ATXN7L1: variants seen among roughly 807,000 people sequenced by gnomAD.
The protein encoded by ATXN7L1 is ataxin-7-like protein 1.
Under a neutral mutation model 70.8 loss-of-function variants are expected in ATXN7L1, and 15 were observed. The observed-to-expected ratio is 0.21, with a 90% CI of 0.14 to 0.33. ATXN7L1 has a LOEUF of 0.33. ATXN7L1 is among the 10% of genes least tolerant of loss of function. ATXN7L1 has a pLI of 1.00. For synonymous variants in ATXN7L1, 440 were observed against 445.1 expected (o/e 0.99, Z 0.14); for missense variants, 975 against 1,097.1 (o/e 0.89, Z 1.57).
chr7:105,666,859 G>C (rs537735731), intron 3 of ATXN7L1, among the ~76,000 whole-genome samples: 1 of 152,240 alleles, frequency 6.6e-6, no homozygotes, highest in East Asian at 1.9e-4. Flanking sequence ...GGAGACCTGG[G>C]CTCCCACTCC....
At chr7:105,698,256 A>G (rs892520699) in intron 3 of ATXN7L1, among the ~76,000 whole-genome samples, 6 of 152,158 alleles carry the variant, frequency 3.9e-5, no homozygotes, top group African/African-American at 1.4e-4. Flanking sequence ...ACCTGCAACT[A>G]GATTTTGGCT....
At chr7:105,819,994 C>A (rs919179341) in intron 2 of ATXN7L1, 5 of 464,874 alleles carry the variant, frequency 1.1e-5, no homozygotes, top group Non-Finnish European at 2.1e-5. Context: ...GATCCACTAT[C>A]GGAAGAAGAA....
At position 105,876,443 on chromosome 7, in the gene ATXN7L1, G is replaced by T; in HGVS notation, c.116C>A (p.Pro39Gln). The T allele has an allele frequency of 6.2e-7, 1 of 1,613,670 alleles. No individual in the cohort carries two copies. The highest frequency in any genetic ancestry group is 2.2e-5 in the East Asian group (1 of 44,850). Residue 39 changes from proline to glutamine, a missense_variant, in exon 1 of 12, where the codon CCG becomes CAG. Around this residue, in one of 5 missense-constraint regions of ATXN7L1, gnomAD observed 135 missense variants for 132.6 expected, o/e 1.02. Transcript: ENST00000419735. ...MATLDRKVPS[P>Q]EAFLGKPWSS... ...CCAGGGTTTGCCCAGAAACGCCTCC[G>T]GACTGGGCACTTTGCGATCCAGTGT...
rs1562880439 is a variant in ATXN7L1 at position 105,607,662 on chromosome 7, A to G, written c.*190T>C. On this transcript the variant is annotated 3_prime_UTR_variant, in exon 12 of 12. Transcript: ENST00000419735. ...TGGAACTGTTTTCTGTAAATCTCAA[A>G]TTCACCTTCTTTTGCCTTTTTAACT... 1.7e-6 allele frequency: 1 copy of G among 581,600 alleles called. No individual in the cohort carries two copies. Among genetic ancestry groups the G allele is most frequent in the Non-Finnish European group, 3.1e-6 (1 of 322,406 alleles). 36.0% of individuals were successfully genotyped at this position (581,600 alleles called of 1,614,324 possible).
chr7:105,808,101 C>T (rs1807883585), intron 2 of ATXN7L1, among the ~76,000 whole-genome samples: 1 of 152,100 alleles, frequency 6.6e-6, no homozygotes, highest in African/African-American at 2.4e-5. Context: ...CACTCTGCTC[C>T]TAGAAAGCAG....
intron 3 of ATXN7L1, among the ~76,000 whole-genome samples, chr7:105,729,712 G>A (rs1361370734): frequency 6.7e-6 from 1 of 149,624 alleles, no homozygotes; most frequent in Non-Finnish European, 1.5e-5. Flanking sequence ...TTACAGGCAT[G>A]AGCCACTGTG....
chr7:105,647,187 C>G (rs1480664286), intron 4 of ATXN7L1, among the ~76,000 whole-genome samples: 1 of 152,154 alleles, frequency 6.6e-6, no homozygotes, highest in Admixed American at 6.5e-5. Flanking sequence ...TTAGAACTTG[C>G]AAGTTCCAGA....
At chr7:105,681,748 G>A (rs1396464491) in intron 3 of ATXN7L1, among the ~76,000 whole-genome samples, 2 of 152,078 alleles carry the variant, frequency 1.3e-5, no homozygotes, top group African/African-American at 4.8e-5. Flanking sequence ...ACAAACTTTG[G>A]GGACACTATG....
In ATXN7L1 at chr7:105,780,856, T is replaced by A. The variant is rs143589130; in HGVS notation, c.355+7748A>T. Among the ~76,000 whole-genome samples, 411 of 152,334 alleles carry A rather than the reference T, an allele frequency of 2.7e-3. 2 individuals carry two copies. The highest frequency in any genetic ancestry group is 9.5e-3 in the African/African-American group (394 of 41,566). ...AAGCTGAAGGAGTCAACTTTCTACA[T>A]GCGGCTGTGATTCCACAGAAGTCAT... On this transcript the variant is annotated intron_variant, in intron 3 of 11. Coordinates refer to ENST00000419735, the MANE Select transcript of ATXN7L1 (RefSeq NM_020725.2).
chr7:105,747,215 C>A (rs1255754796), intron 3 of ATXN7L1, among the ~76,000 whole-genome samples: 2 of 152,188 alleles, frequency 1.3e-5, no homozygotes, highest in African/African-American at 4.8e-5. Context: ...GGACTTTCAG[C>A]TCCACCTGCC....
chr7:105,834,355 T>C (rs912550089), intron 2 of ATXN7L1, among the ~76,000 whole-genome samples: 1 of 152,212 alleles, frequency 6.6e-6, no homozygotes, highest in Non-Finnish European at 1.5e-5. Context: ...TCATTGACTT[T>C]GAAAGCTTGG....
chr7:105,657,063 T>C (rs1479964438), intron 4 of ATXN7L1, among the ~76,000 whole-genome samples: 1 of 152,146 alleles, frequency 6.6e-6, no homozygotes, highest in Non-Finnish European at 1.5e-5. Context: ...TTAAATCTAA[T>C]CTAAGGGCCA....
chr7:105,876,355 G>A, intron 1 of ATXN7L1, 23 bp downstream of exon 1: 1 of 1,576,076 alleles, frequency 6.3e-7, no homozygotes, highest in South Asian at 1.2e-5. Context: ...AATAAAAGGA[G>A]GAGGAGGTGG....
chr7:105,763,766 T>C (rs1800861305), intron 3 of ATXN7L1, among the ~76,000 whole-genome samples: 1 of 152,148 alleles, frequency 6.6e-6, no homozygotes, highest in Non-Finnish European at 1.5e-5. Flanking sequence ...CCTGCTAGCA[T>C]AGACACCCAT....
intron 3 of ATXN7L1, among the ~76,000 whole-genome samples, chr7:105,675,732 G>T (rs1485896304): frequency 6.6e-6 from 1 of 152,078 alleles, no homozygotes; most frequent in Non-Finnish European, 1.5e-5. Flanking sequence ...AACTGTTTAA[G>T]TTCATCCAAG....
chr7:105,789,156 C>T (rs1040435548), intron 2 of ATXN7L1, among the ~76,000 whole-genome samples: 1 of 152,206 alleles, frequency 6.6e-6, no homozygotes, highest in African/African-American at 2.4e-5. Context: ...AGTCATTTGG[C>T]CTCGGCAGTG....
chr7:105,820,967 G>C (rs962675460), intron 2 of ATXN7L1, among the ~76,000 whole-genome samples: 1 of 152,178 alleles, frequency 6.6e-6, no homozygotes, highest in Non-Finnish European at 1.5e-5. Flanking sequence ...ACCAGATGCC[G>C]AGCAGGTGTT....
At chr7:105,646,299 C>A (rs984487655) in intron 4 of ATXN7L1, among the ~76,000 whole-genome samples, 1 of 151,942 alleles carries the variant, frequency 6.6e-6, no homozygotes, top group Non-Finnish European at 1.5e-5. Flanking sequence ...TGTCTCAACT[C>A]CCCCCTGACC....
intron 2 of ATXN7L1, among the ~76,000 whole-genome samples, chr7:105,813,337 T>A (rs1351315769): frequency 1.3e-5 from 2 of 148,498 alleles, no homozygotes; most frequent in African/African-American, 4.9e-5. Context: ...AATCTACAAT[T>A]TTTTTTTTTT....
Sources: gnomAD v4.1 joint callset for allele counts (sites outside exome capture counted in the v4.1 genomes callset) on GRCh38, gnomAD v4.1.1 for gene constraint, gnomAD v4.1.1 regional missense constraint, MANE v1.5 for transcripts, NCBI Gene and HGNC (gene_info 2026-07-23, HGNC 2026-07-21) for gene names.